The following GYG1 variants were observed in gnomAD, a reference collection of about 807,000 sequenced individuals.
GYG1 encodes the protein glycogenin 1.
Under a neutral mutation model 41.9 loss-of-function variants are expected in GYG1, and 44 were observed. The ratio of observed to expected loss-of-function variants is 1.05; its 90% CI spans 0.83 to 1.35. GYG1 has a LOEUF of 1.35. GYG1 is among the 40% of genes most tolerant of loss of function. The probability of loss-of-function intolerance (pLI) is 0.00; values close to 1 mark genes in which losing one functional copy is unlikely to be tolerated. For synonymous variants in GYG1, 141 were observed against 158.1 expected (o/e 0.89, Z 0.81); for missense variants, 429 against 418.9 (o/e 1.02, Z -0.21).
rs1330169893 is a variant in GYG1, at chr3:149,028,317, TAAG to T, written c.*1387_*1389del. 1.3e-5 allele frequency among the ~76,000 whole-genome samples: 2 copies of T among 152,178 alleles called. No individual in the cohort carries two copies. The highest frequency in any genetic ancestry group is 4.8e-5 in the African/African-American group (2 of 41,434). On this transcript the variant is annotated 3_prime_UTR_variant, in exon 8 of 8. Transcript: ENST00000345003. ...GAAGGCTGTTACCATAGGAGCTCAA[TAAG>T]AACCTGAGGATTTACCTAGAATTAT...
intron 5 of GYG1, among the ~76,000 whole-genome samples, chr3:149,012,074 C>T (rs1019944711): frequency 2.6e-5 from 4 of 152,174 alleles, no homozygotes; most frequent in African/African-American, 9.7e-5. Context: ...GGAGACCCAT[C>T]CAGAGACATT....
chr3:149,012,141 T>G (rs1026226348), intron 5 of GYG1, among the ~76,000 whole-genome samples: 2 of 151,120 alleles, frequency 1.3e-5, no homozygotes, highest in African/African-American at 2.4e-5. Flanking sequence ...TAGTTACATT[T>G]CTTTTTTATT....
intron 2 of GYG1, among the ~76,000 whole-genome samples, chr3:148,994,692 C>T (rs1006410629): frequency 2.0e-5 from 3 of 152,214 alleles, no homozygotes; most frequent in African/African-American, 7.2e-5. Flanking sequence ...GGGAAACTCT[C>T]AGGTGACTTA....
chr3:149,028,100 T>C lies in GYG1; in HGVS notation c.*1167T>C, dbSNP rs2107926437. Among the ~76,000 whole-genome samples, 1 of 152,168 alleles carries C rather than the reference T, an allele frequency of 6.6e-6. No homozygotes were observed. The highest frequency in any genetic ancestry group is 1.5e-5 in the Non-Finnish European group (1 of 67,988). Reference sequence around the variant, plus strand: ...GATGACCTTTTAAAACTAAAATGAGTGGTCAGAAATGATTCTATGGAAGAA... The same window carrying C: ...GATGACCTTTTAAAACTAAAATGAGCGGTCAGAAATGATTCTATGGAAGAA... On this transcript the variant is annotated 3_prime_UTR_variant, in exon 8 of 8. Transcript: ENST00000345003.
intron 1 of GYG1, among the ~76,000 whole-genome samples, chr3:148,992,120 G>A (rs890421283): frequency 1.3e-4 from 20 of 152,270 alleles, no homozygotes; most frequent in South Asian, 1.0e-3. Context: ...CTCCTCCGCC[G>A]CCCGCCCCGG....
chr3:149,014,425 A>AT lies in GYG1; in HGVS notation c.608+5024dup, dbSNP rs1387555093. Among the ~76,000 whole-genome samples the AT allele has an allele frequency of 2.0e-5, 3 of 152,150 alleles. No individual in the cohort carries two copies. In the South Asian group the frequency reaches 6.2e-4, roughly 32 times the overall value. ...GCATGGGCAGAAGTCTGGGGGAGGA[A>AT]TGCCATCTCGGTCGAAGAGGGAGCT... is the stretch of plus-strand genomic sequence containing the variant. On this transcript the variant is annotated intron_variant, in intron 5 of 7. Coordinates refer to ENST00000345003, the MANE Select transcript of GYG1 (RefSeq NM_004130.4).
chr3:148,997,283 T>C (rs1712858038), intron 4 of GYG1, among the ~76,000 whole-genome samples: 1 of 152,152 alleles, frequency 6.6e-6, no homozygotes, highest in African/African-American at 2.4e-5. Context: ...TGACAGCCAT[T>C]CCAGGAGGAT....
At chr3:149,009,127 C>G (rs1713571817) in intron 4 of GYG1, 149 bp from the exon 5 acceptor site, 4 of 613,432 alleles carry the variant, frequency 6.5e-6, no homozygotes, top group African/African-American at 1.9e-5. Flanking sequence ...CCACTGCACT[C>G]CAGCTTGGGT....
rs1714692235 is a variant in GYG1, at chr3:149,026,979, T to G, written c.*46T>G. On this transcript the variant is annotated 3_prime_UTR_variant, in exon 8 of 8. Coordinates refer to ENST00000345003, the MANE Select transcript of GYG1 (RefSeq NM_004130.4). Reference sequence around the variant, plus strand: ...AACACATCCACTTCACAAGCCTTGTTTCTGATACTTAGTATCTAGAGCTGG... The same window carrying G: ...AACACATCCACTTCACAAGCCTTGTGTCTGATACTTAGTATCTAGAGCTGG... 6.3e-7 allele frequency: 1 copy of G among 1,591,674 alleles called. No homozygotes were observed. The highest frequency in any genetic ancestry group is 8.6e-7 in the Non-Finnish European group (1 of 1,159,412).
In GYG1 at chr3:149,027,625, T is replaced by C. The variant is rs998600689; in HGVS notation, c.*692T>C. 2.0e-5 allele frequency: 3 copies of C among 152,556 alleles called. No homozygotes were observed. Among genetic ancestry groups the C allele is most frequent in the African/African-American group, 4.8e-5 (2 of 41,468 alleles). The allele number at this position is 152,556 out of a possible 1,614,324, so 9.5% of individuals were successfully genotyped here. A position where few individuals can be genotyped will look rare whatever the true frequency, so the allele number is the denominator to read the frequency against. Reference sequence around the variant, plus strand: ...CCCTGTACAAAAAATAAAAGACTTATTGCTGTATCTTGGTTGTTTAATTAA... The same window carrying C: ...CCCTGTACAAAAAATAAAAGACTTACTGCTGTATCTTGGTTGTTTAATTAA... On this transcript the variant is annotated 3_prime_UTR_variant, in exon 8 of 8. Transcript: ENST00000345003.
chr3:149,027,267 C>G lies in GYG1; in HGVS notation c.*334C>G, dbSNP rs1256412698. 1 of 336,344 alleles carries G rather than the reference C, an allele frequency of 3.0e-6. No homozygotes were observed. Among genetic ancestry groups the G allele is most frequent in the African/African-American group, 2.1e-5 (1 of 47,546 alleles). The allele number at this position is 336,344 out of a possible 1,614,324, so 20.8% of individuals were successfully genotyped here. ...AAATCTGCAGAGCCTGGTTCAAAAT[C>G]AGTCACTCCCTTCAGAAGCAGACAT... On this transcript the variant is annotated 3_prime_UTR_variant, in exon 8 of 8. Coordinates refer to ENST00000345003, the MANE Select transcript of GYG1 (RefSeq NM_004130.4).
chr3:149,006,080 C>CTTTTTTT (rs34268321), intron 4 of GYG1, among the ~76,000 whole-genome samples: 14 of 117,194 alleles, frequency 1.2e-4, no homozygotes, highest in Non-Finnish European at 1.7e-4. Context: ...TCATCATATT[C>CTTTTTTT]TTTTTTTTTT....
At chr3:149,007,127 G>GT (rs1198270317) in intron 4 of GYG1, among the ~76,000 whole-genome samples, 2 of 152,100 alleles carry the variant, frequency 1.3e-5, no homozygotes, top group African/African-American at 4.8e-5. Context: ...TTTTATTTTT[G>GT]TTTTTTTGTT....
At chr3:149,015,308 A>T (rs900392846) in intron 5 of GYG1, among the ~76,000 whole-genome samples, 15 of 152,334 alleles carry the variant, frequency 9.8e-5, no homozygotes, top group African/African-American at 3.6e-4. Context: ...AGTCTGGAAC[A>T]TATGAGAGTT....
chr3:149,000,403 A>G (rs1713028065), intron 4 of GYG1, among the ~76,000 whole-genome samples: 1 of 152,246 alleles, frequency 6.6e-6, no homozygotes, highest in Non-Finnish European at 1.5e-5. Context: ...AGTATTGTAT[A>G]GGATGTGACA....
chr3:149,011,342 G>A (rs544756167), intron 5 of GYG1, among the ~76,000 whole-genome samples: 198 of 152,274 alleles, frequency 1.3e-3, no homozygotes, highest in African/African-American at 4.5e-3. Flanking sequence ...CCCTAGAGCC[G>A]AATTTGTCTA....
rs1714860182 is a variant in GYG1 at position 149,029,834 on chromosome 3, CTG to C, written c.*2905_*2906del. On this transcript the variant is annotated 3_prime_UTR_variant, in exon 8 of 8. Coordinates refer to ENST00000345003, the MANE Select transcript of GYG1 (RefSeq NM_004130.4). The stretch of plus-strand genomic sequence containing the variant: ...TACAATGATTGATTAAGAGTGCTAT[CTG>C]TGTATATATAGGTATTATCACAACT... 6.6e-6 allele frequency among the ~76,000 whole-genome samples: 1 copy of C among 152,180 alleles called. No homozygotes were observed.
Position 149,009,392 on chromosome 3 carries a change from G to T in GYG1, c.598G>T (p.Ala200Ser), listed in dbSNP as rs900217907. The T allele has an allele frequency of 3.7e-6, 6 of 1,613,584 alleles. No individual in the cohort carries two copies. Among genetic ancestry groups the T allele is most frequent in the Non-Finnish European group, 4.2e-6 (5 of 1,179,526 alleles). ...SSISIYSYLP[A>S]FKVFGASAKV... is the part of the protein sequence containing the mutation. ...CATCTCTATATACTCCTACCTCCCG[G>T]CATTTAAAGTGTAAGTGCAGATGGT... Residue 200 changes from alanine (A) to serine (S), a missense_variant, in exon 5 of 8, where the codon GCA (alanine) becomes TCA (serine). By Grantham distance (99) the Ala-to-Ser change is moderately conservative. Transcript: ENST00000345003.
intron 4 of GYG1, among the ~76,000 whole-genome samples, chr3:149,007,183 C>T (rs1183126325): frequency 1.3e-5 from 2 of 152,148 alleles, no homozygotes; most frequent in Non-Finnish European, 2.9e-5. Context: ...TCACTTGGGC[C>T]TCTTTTATAA....
Sources: allele counts gnomAD v4.1 joint callset (sites outside exome capture counted in the v4.1 genomes callset), GRCh38; gene constraint gnomAD v4.1.1; transcripts MANE v1.5; gene names NCBI Gene and HGNC (gene_info 2026-07-23, HGNC 2026-07-21).